Variants in ADIPOR2 observed in about 807,000 individuals in gnomAD.
ADIPOR2 encodes adiponectin receptor protein 2.
Under a neutral mutation model 40.9 loss-of-function variants are expected in ADIPOR2, and 18 were observed. The observed-to-expected ratio is 0.44, with a 90% CI of 0.30 to 0.65. The LOEUF (loss-of-function observed/expected upper bound fraction) is 0.65, where lower values mean the gene tolerates loss of function less well. Among genes scored for constraint, ADIPOR2 ranks in the 30% least tolerant of loss-of-function variants. The pLI, the probability that ADIPOR2 is intolerant of heterozygous loss-of-function variation, is 0.09. For synonymous variants in ADIPOR2, 165 were observed against 166.4 expected (o/e 0.99, Z 0.06); for missense variants, 283 against 479.2 (o/e 0.59, Z 3.82).
chr12:1,760,017 C>T (rs1195071779), intron 2 of ADIPOR2, among the ~76,000 whole-genome samples: 5 of 151,902 alleles, frequency 3.3e-5, no homozygotes, highest in Admixed American at 6.6e-5. Flanking sequence ...CAGAGTAAGA[C>T]TCTGTCTCGG....
At chr12:1,728,670 G>A (rs1330433583) in intron 1 of ADIPOR2, among the ~76,000 whole-genome samples, 1 of 151,972 alleles carries the variant, frequency 6.6e-6, no homozygotes, top group African/African-American at 2.4e-5. Context: ...GTTACAGTGA[G>A]CCAAGATGGC....
chr12:1,785,656 C>T (rs1862814492), intron 7 of ADIPOR2, among the ~76,000 whole-genome samples: 1 of 85,648 alleles, frequency 1.2e-5, no homozygotes, highest in Admixed American at 1.1e-4. Flanking sequence ...GCAAGAGAGT[C>T]TGTGTGTCAT....
At chr12:1,729,001 C>T (rs1197748389) in intron 1 of ADIPOR2, among the ~76,000 whole-genome samples, 4 of 139,912 alleles carry the variant, frequency 2.9e-5, no homozygotes, top group African/African-American at 7.9e-5. Flanking sequence ...GTCATTTGTC[C>T]GAGTACAACA....
intron 1 of ADIPOR2, among the ~76,000 whole-genome samples, chr12:1,737,831 C>T (rs570980212): frequency 6.6e-5 from 10 of 152,250 alleles, no homozygotes; most frequent in African/African-American, 1.2e-4. Flanking sequence ...GGATTACAGG[C>T]GGAGCCACTG....
chr12:1,764,265 G>A (rs758853799), intron 2 of ADIPOR2, among the ~76,000 whole-genome samples: 3 of 152,124 alleles, frequency 2.0e-5, no homozygotes, highest in Admixed American at 6.5e-5. Flanking sequence ...AATGAGTGAG[G>A]GTCATAGTTT....
chr12:1,698,640 T>C (rs981168581), intron 1 of ADIPOR2, among the ~76,000 whole-genome samples: 13 of 152,236 alleles, frequency 8.5e-5, no homozygotes, highest in African/African-American at 3.1e-4. Flanking sequence ...AACTTAATAC[T>C]GCTCTTACTG....
chr12:1,781,090 G>A lies in ADIPOR2; in HGVS notation c.838+14G>A, dbSNP rs1565659516. Reference sequence around the variant, plus strand: ...GAGTAAGAGCAGGTAAGAGCACGGGGAGGTTCTACATTCGACATTCATTTA... The same window carrying A: ...GAGTAAGAGCAGGTAAGAGCACGGGAAGGTTCTACATTCGACATTCATTTA... On this transcript the variant is annotated intron_variant, in intron 6 of 7. Transcript: ENST00000357103. The A allele has an allele frequency of 6.4e-7, 1 of 1,560,398 alleles. No individual in the cohort carries two copies. The highest frequency in any genetic ancestry group is 2.3e-5 in the East Asian group (1 of 43,054).
chr12:1,748,539 T>A (rs555350107), intron 1 of ADIPOR2, among the ~76,000 whole-genome samples: 8 of 152,116 alleles, frequency 5.3e-5, no homozygotes, highest in Non-Finnish European at 1.2e-4. Flanking sequence ...TGAGCCACCG[T>A]GCCTGGCCTG....
chr12:1,754,704 A>G (rs1400087895), intron 2 of ADIPOR2, among the ~76,000 whole-genome samples, 190 bp downstream of exon 2: 2 of 63,862 alleles, frequency 3.1e-5, no homozygotes, highest in Non-Finnish European at 6.0e-5. Context: ...TATTATTACT[A>G]CTACTACTAC....
At chr12:1,765,786 A>T (rs1862365093) in intron 2 of ADIPOR2, among the ~76,000 whole-genome samples, 1 of 151,648 alleles carries the variant, frequency 6.6e-6, no homozygotes, top group South Asian at 2.1e-4. Flanking sequence ...TCTTTATTGG[A>T]CTTGTAACCA....
In ADIPOR2 at chr12:1,754,487, A is replaced by T; in HGVS notation, c.144A>T (p.Ala48=). The change falls in exon 2 of 8, where the codon GCA becomes GCT. Residue 48 remains alanine, a synonymous_variant. Coordinates refer to ENST00000357103, the MANE Select transcript of ADIPOR2 (RefSeq NM_024551.3). ...GAGATTTGGAGCCCATTTTAGAGGC[A>T]TCTGTTCTATCTTCCCATCATAAAA... is the stretch of plus-strand genomic sequence containing the variant. ...HQGDLEPILE[A]SVLSSHHKKS... 6.2e-7 allele frequency: 1 copy of T among 1,608,624 alleles called. No homozygotes were observed. The highest frequency in any genetic ancestry group is 8.5e-7 in the Non-Finnish European group (1 of 1,178,036).
intron 1 of ADIPOR2, chr12:1,697,761 T>A (rs1354945575): frequency 6.6e-6 from 1 of 152,426 alleles, no homozygotes; most frequent in Non-Finnish European, 1.5e-5. Context: ...TATTAGATGA[T>A]TTTGATTCAA....
At chr12:1,743,871 A>G (rs2154443030) in intron 1 of ADIPOR2, among the ~76,000 whole-genome samples, 1 of 152,286 alleles carries the variant, frequency 6.6e-6, no homozygotes, top group South Asian at 2.1e-4. Flanking sequence ...TAACTTTTTT[A>G]TTACATTAAA....
intron 1 of ADIPOR2, among the ~76,000 whole-genome samples, chr12:1,739,467 A>G (rs140326830): frequency 6.8e-4 from 104 of 152,372 alleles, no homozygotes; most frequent in African/African-American, 2.4e-3. Context: ...GCTCATGAGC[A>G]AAGATTGGTG....
chr12:1,728,016 A>G (rs548939806), intron 1 of ADIPOR2, among the ~76,000 whole-genome samples: 2 of 152,188 alleles, frequency 1.3e-5, no homozygotes, highest in South Asian at 2.1e-4. Context: ...CTGAAAATGC[A>G]TTGATCAAAT....
intron 1 of ADIPOR2, among the ~76,000 whole-genome samples, chr12:1,738,767 G>T (rs915378206): frequency 6.6e-6 from 1 of 152,138 alleles, no homozygotes; most frequent in Non-Finnish European, 1.5e-5. Flanking sequence ...GATTTTTTGT[G>T]TTGGTTGAAG....
intron 1 of ADIPOR2, among the ~76,000 whole-genome samples, chr12:1,748,000 G>A (rs2094759458): frequency 1.3e-5 from 2 of 152,060 alleles, no homozygotes; most frequent in Non-Finnish European, 1.5e-5. Context: ...TTATTTCTTT[G>A]AATTTTTTTT....
chr12:1,749,714 C>A (rs1032085083), intron 1 of ADIPOR2, among the ~76,000 whole-genome samples: 2 of 152,044 alleles, frequency 1.3e-5, no homozygotes, highest in African/African-American at 4.8e-5. Flanking sequence ...CTACAGAAAT[C>A]CTTGCTGGGA....
chr12:1,738,209 C>CAAAAAAAAAAAA (rs56395738), intron 1 of ADIPOR2, among the ~76,000 whole-genome samples: 1 of 85,610 alleles, frequency 1.2e-5, no homozygotes. Flanking sequence ...CCTGTCTCTA[C>CAAAAAAAAAAAA]AAAAAAAAAA....
Sources: gnomAD v4.1 joint callset for allele counts (sites outside exome capture counted in the v4.1 genomes callset) on GRCh38, gnomAD v4.1.1 for gene constraint, MANE v1.5 for transcripts, NCBI Gene and HGNC (gene_info 2026-07-23, HGNC 2026-07-21) for gene names.